Variants in COL25A1 observed in about 807,000 individuals in gnomAD.
COL25A1 encodes the protein collagen type XXV alpha 1 chain, also known as collagen alpha-1(XXV) chain.
A neutral mutation model predicts 128.4 loss-of-function variants in COL25A1; 103 were observed. That is an observed-to-expected ratio of 0.80 (90% CI 0.68 to 0.94). The LOEUF (loss-of-function observed/expected upper bound fraction) is 0.94, where lower values mean the gene tolerates loss of function less well. COL25A1 is among the 40% of genes least tolerant of loss of function. COL25A1 has a pLI of 0.00. For synonymous variants in COL25A1, 279 were observed against 277.2 expected (o/e 1.01, Z -0.06); for missense variants, 745 against 840.0 (o/e 0.89, Z 1.40).
chr4:108,870,661 A>G (rs1467797268), intron 19 of COL25A1, among the ~76,000 whole-genome samples: 1 of 152,210 alleles, frequency 6.6e-6, no homozygotes, highest in Non-Finnish European at 1.5e-5. Flanking sequence ...TTCTAGTAAA[A>G]GAGTTTAACT....
At chr4:108,946,018 C>T (rs1052961154) in intron 8 of COL25A1, among the ~76,000 whole-genome samples, 9 of 152,212 alleles carry the variant, frequency 5.9e-5, no homozygotes, top group Non-Finnish European at 1.0e-4. Context: ...CTTAAGAAAT[C>T]GGATGTATAA....
chr4:108,936,958 T>G (rs548417992), intron 11 of COL25A1, among the ~76,000 whole-genome samples: 1 of 152,102 alleles, frequency 6.6e-6, no homozygotes, highest in East Asian at 1.9e-4. Flanking sequence ...CTTTTATACC[T>G]TGAACATCTG....
chr4:108,813,500 T>C lies in COL25A1; in HGVS notation c.*427A>G. ...CGCCGACATGAAAGGTGAATGGGAA[T>C]GTGATAATCAGCTCTAAAATCAGTC... On this transcript the variant is annotated 3_prime_UTR_variant, in exon 38 of 38. Transcript: ENST00000399132. The C allele has an allele frequency of 6.3e-6, 1 of 158,200 alleles. No individual in the cohort carries two copies. Among genetic ancestry groups the C allele is most frequent in the Middle Eastern group, 3.2e-3 (1 of 310 alleles). The allele number at this position is 158,200 out of a possible 1,614,324, so 9.8% of individuals were successfully genotyped here. A position where few individuals can be genotyped will look rare whatever the true frequency, so the allele number is the denominator to read the frequency against.
intron 13 of COL25A1, among the ~76,000 whole-genome samples, chr4:108,908,350 C>T (rs1443638336): frequency 6.6e-6 from 1 of 152,160 alleles, no homozygotes; most frequent in East Asian, 1.9e-4. Context: ...ACCTCACTGT[C>T]CTCTTTCTTC....
chr4:108,903,178 G>A (rs1743057352), intron 13 of COL25A1, among the ~76,000 whole-genome samples: 1 of 151,906 alleles, frequency 6.6e-6, no homozygotes, highest in South Asian at 2.1e-4. Context: ...TATGAACATT[G>A]AGGGATGAAA....
At chr4:108,931,187 C>A (rs762643157) in intron 11 of COL25A1, among the ~76,000 whole-genome samples, 7 of 152,102 alleles carry the variant, frequency 4.6e-5, no homozygotes, top group Non-Finnish European at 8.8e-5. Context: ...TAATTATTTA[C>A]AGAACATATA....
intron 6 of COL25A1, among the ~76,000 whole-genome samples, chr4:109,004,987 T>A (rs1439541723): frequency 6.6e-6 from 1 of 152,174 alleles, no homozygotes; most frequent in Non-Finnish European, 1.5e-5. Context: ...TTTAATAAAC[T>A]TTAAAGGATG....
At chr4:108,978,995 A>G (rs1752701165) in intron 6 of COL25A1, among the ~76,000 whole-genome samples, 1 of 152,236 alleles carries the variant, frequency 6.6e-6, no homozygotes, top group Non-Finnish European at 1.5e-5. Flanking sequence ...AATTACATTA[A>G]TAAGTACTTA....
intron 3 of COL25A1, among the ~76,000 whole-genome samples, chr4:109,223,576 C>T (rs1405414692): frequency 6.6e-6 from 1 of 151,716 alleles, no homozygotes; most frequent in East Asian, 1.9e-4. Context: ...GGGGACATCT[C>T]CCCCACCCCC....
chr4:109,207,509 G>A (rs1003002829), intron 3 of COL25A1, among the ~76,000 whole-genome samples: 2 of 152,094 alleles, frequency 1.3e-5, no homozygotes, highest in African/African-American at 4.8e-5. Context: ...GATATAGCTC[G>A]GGTGTTGAAT....
chr4:109,194,436 T>A (rs555062932), intron 3 of COL25A1, among the ~76,000 whole-genome samples: 7 of 152,322 alleles, frequency 4.6e-5, no homozygotes. Flanking sequence ...TAAAATTCAC[T>A]AATTCATTGC....
At chr4:109,086,624 T>C (rs908994045) in intron 3 of COL25A1, among the ~76,000 whole-genome samples, 1 of 152,208 alleles carries the variant, frequency 6.6e-6, no homozygotes, top group Non-Finnish European at 1.5e-5. Flanking sequence ...AATAAGTAAG[T>C]AGGACTCTTA....
At chr4:109,014,794 T>G (rs1222201179) in intron 5 of COL25A1, among the ~76,000 whole-genome samples, 3 of 152,136 alleles carry the variant, frequency 2.0e-5, no homozygotes, top group Non-Finnish European at 4.4e-5. Flanking sequence ...AAAGAGGAAG[T>G]GGTTGATAGA....
intron 3 of COL25A1, among the ~76,000 whole-genome samples, chr4:109,254,920 C>T (rs554518811): frequency 1.2e-4 from 19 of 152,248 alleles, no homozygotes; most frequent in African/African-American, 4.3e-4. Flanking sequence ...AAGCATTTAT[C>T]GAGCTTCTAC....
At chr4:109,255,926 G>A (rs995938486) in intron 3 of COL25A1, among the ~76,000 whole-genome samples, 1 of 152,146 alleles carries the variant, frequency 6.6e-6, no homozygotes, top group Non-Finnish European at 1.5e-5. Flanking sequence ...ATTTCAAGTG[G>A]CAGTCCAGAA....
chr4:109,097,150 T>A (rs961973385), intron 3 of COL25A1, among the ~76,000 whole-genome samples: 6 of 152,208 alleles, frequency 3.9e-5, no homozygotes, highest in Non-Finnish European at 8.8e-5. Flanking sequence ...TTAGTATCTA[T>A]CTGCTTCTTT....
intron 11 of COL25A1, among the ~76,000 whole-genome samples, chr4:108,924,369 T>C (rs1319198106): frequency 6.6e-6 from 1 of 152,170 alleles, no homozygotes; most frequent in African/African-American, 2.4e-5. Context: ...TCTTTCCAAT[T>C]TTTCCTCTCC....
At chr4:108,905,602 A>C (rs1166654521) in intron 13 of COL25A1, among the ~76,000 whole-genome samples, 1 of 151,716 alleles carries the variant, frequency 6.6e-6, no homozygotes, top group Non-Finnish European at 1.5e-5. Context: ...CAGAAAATTA[A>C]AAATTACATA....
chr4:108,838,129 T>C (rs1734019464), intron 31 of COL25A1: 1 of 1,550,416 alleles, frequency 6.4e-7, no homozygotes, highest in East Asian at 2.4e-5. Context: ...GTCACCCTTT[T>C]GACCTGGTTC....
Sources: gnomAD v4.1 joint callset for allele counts (sites outside exome capture counted in the v4.1 genomes callset) on GRCh38, gnomAD v4.1.1 for gene constraint, MANE v1.5 for transcripts, NCBI Gene and HGNC (gene_info 2026-07-23, HGNC 2026-07-21) for gene names.